Variants in ANAPC1 observed in about 807,000 individuals in gnomAD.
ANAPC1 encodes the protein anaphase-promoting complex subunit 1.
In ANAPC1, 36 loss-of-function variants were observed where a neutral mutation model predicts 208.0. The observed-to-expected ratio is 0.17, with a 90% CI of 0.13 to 0.23. The LOEUF is 0.23. ANAPC1 is among the 10% of genes least tolerant of loss of function. The probability of loss-of-function intolerance (pLI) is 1.00; values close to 1 mark genes in which losing one functional copy is unlikely to be tolerated. For synonymous variants in ANAPC1, 378 were observed against 695.2 expected, an observed-to-expected ratio of 0.54 and a Z score of 7.18; for missense variants, 942 against 2,011.6, an observed-to-expected ratio of 0.47 and a Z score of 10.17.
intron 14 of ANAPC1, among the ~76,000 whole-genome samples, chr2:111,848,973 G>T (rs188016109): frequency 5.9e-5 from 9 of 152,218 alleles, no homozygotes; most frequent in Admixed American, 5.9e-4. Context: ...AAATTTAAAC[G>T]ATCTTAGTTA....
At chr2:111,802,527 TAA>T in intron 32 of ANAPC1, 21 bp from the exon 33 acceptor site, 1 of 624,352 alleles carries the variant, frequency 1.6e-6, no homozygotes, top group Non-Finnish European at 3.0e-6. Flanking sequence ...AGGAAAACAG[TAA>T]GGCACACTGT....
At chr2:111,840,691 A>G (rs1680714324) in intron 17 of ANAPC1, among the ~76,000 whole-genome samples, 1 of 152,168 alleles carries the variant, frequency 6.6e-6, no homozygotes, top group South Asian at 2.1e-4. Flanking sequence ...TAATCTTTTC[A>G]CATGTAATAA....
At chr2:111,852,971 G>A (rs549791739) in intron 13 of ANAPC1, among the ~76,000 whole-genome samples, 198 of 150,676 alleles carry the variant, frequency 1.3e-3, no homozygotes, top group Non-Finnish European at 2.2e-3. Context: ...CTGAGTAACA[G>A]AGAGAGATAC....
chr2:111,821,700 G>A (rs1416146857), intron 25 of ANAPC1: 5 of 435,224 alleles, frequency 1.1e-5, no homozygotes, highest in African/African-American at 4.0e-5. Flanking sequence ...TTGGGAGGCC[G>A]AGGTGGGCGG....
At chr2:111,853,586 G>A (rs571762401) in intron 13 of ANAPC1, among the ~76,000 whole-genome samples, 4 of 151,814 alleles carry the variant, frequency 2.6e-5, no homozygotes, top group Non-Finnish European at 5.9e-5. Flanking sequence ...CTGAAGTTTT[G>A]AGCCCCTCAA....
At chr2:111,775,780 G>A (rs1385181398) in intron 46 of ANAPC1, among the ~76,000 whole-genome samples, 1 of 152,114 alleles carries the variant, frequency 6.6e-6, no homozygotes, top group African/African-American at 2.4e-5. Flanking sequence ...TGCCATAGGT[G>A]ATCAAATGTT....
chr2:111,816,351 C>A (rs1170557387), intron 27 of ANAPC1, among the ~76,000 whole-genome samples: 9 of 149,506 alleles, frequency 6.0e-5, no homozygotes, highest in Admixed American at 6.0e-4. Flanking sequence ...CTCTTTTTTT[C>A]TCTCTCTCTC....
At chr2:111,792,882 T>G (rs1387472809) in intron 37 of ANAPC1, among the ~76,000 whole-genome samples, 6 of 151,680 alleles carry the variant, frequency 4.0e-5, no homozygotes, top group Admixed American at 1.3e-4. Flanking sequence ...GAACCCGGGG[T>G]GCGGAGCTCG....
chr2:111,847,361 G>GT (rs1230350819), intron 15 of ANAPC1, among the ~76,000 whole-genome samples, 163 bp from the exon 16 acceptor site: 7 of 152,132 alleles, frequency 4.6e-5, no homozygotes, highest in African/African-American at 1.7e-4. Flanking sequence ...AACTTTAAAT[G>GT]TAATTATTTG....
In ANAPC1 at chr2:111,801,357, A is replaced by AT. The variant is rs531863670; in HGVS notation, c.4222-487dup. Among the ~76,000 whole-genome samples, 18 of 135,524 alleles carry AT rather than the reference A, an allele frequency of 1.3e-4. 2 individuals are homozygous for AT. The South Asian group carries it at 4.2e-3, about 32-fold the overall frequency. 88.9% of individuals were successfully genotyped at this position (135,524 alleles called of 152,430 possible). On this transcript the variant is annotated intron_variant, in intron 33 of 47. Transcript: ENST00000341068. ...GGGCCACAGAGTGAGACTCCATCTC[A>AT]TAAAAAAAAAAAAAAGAAAAAGAAA...
At chr2:111,787,154 A>T (rs1166888897) in intron 39 of ANAPC1, among the ~76,000 whole-genome samples, 3 of 151,344 alleles carry the variant, frequency 2.0e-5, no homozygotes, top group African/African-American at 4.9e-5. Flanking sequence ...ATCTCGAAAA[A>T]AAAAAAAAAA....
intron 18 of ANAPC1, among the ~76,000 whole-genome samples, chr2:111,836,449 T>C (rs1680471878): frequency 6.6e-6 from 1 of 151,254 alleles, no homozygotes; most frequent in African/African-American, 2.4e-5. Context: ...GAGACCAGCC[T>C]GGGCAACATA....
At chr2:111,798,926 C>T (rs1678297834) in intron 34 of ANAPC1, among the ~76,000 whole-genome samples, 3 of 151,480 alleles carry the variant, frequency 2.0e-5, no homozygotes, top group East Asian at 2.0e-4. Context: ...CCCAGCTACT[C>T]GGGAGGCTGA....
chr2:111,781,091 C>T (rs1195693836), intron 43 of ANAPC1, among the ~76,000 whole-genome samples: 1 of 148,760 alleles, frequency 6.7e-6, no homozygotes, highest in Non-Finnish European at 1.5e-5. Flanking sequence ...TTTACCACAA[C>T]TTTTTAAACT....
intron 7 of ANAPC1, 89 bp downstream of exon 7, chr2:111,867,934 G>A: frequency 1.4e-6 from 1 of 738,842 alleles, no homozygotes; most frequent in Non-Finnish European, 2.2e-6. Context: ...ATTTTTATAA[G>A]TCAGTTTTCA....
intron 45 of ANAPC1, among the ~76,000 whole-genome samples, chr2:111,778,133 C>T (rs1268245826): frequency 1.3e-5 from 2 of 151,900 alleles, no homozygotes; most frequent in Non-Finnish European, 2.9e-5. Context: ...TTGGTCTGAT[C>T]CTTTAAGAAC....
rs181410275 is a variant in ANAPC1, at chr2:111,838,656, T to C, written c.2041-144A>G. The C allele has an allele frequency of 1.2e-4, 75 of 600,218 alleles. No homozygotes were observed. In the African/African-American group the frequency reaches 1.3e-3, roughly 10 times the overall value. 37.2% of individuals were successfully genotyped at this position (600,218 alleles called of 1,614,324 possible). ...ACTCATTTTTTGATCTGGAAAGGCATTATTTAAATATCTTTCTTCCAGGTT... is the reference window on the plus strand; with the variant it reads ...ACTCATTTTTTGATCTGGAAAGGCACTATTTAAATATCTTTCTTCCAGGTT... On this transcript the variant is annotated intron_variant, in intron 17 of 47. Transcript: ENST00000341068.
intron 11 of ANAPC1, among the ~76,000 whole-genome samples, chr2:111,857,235 T>C (rs1351655371): frequency 6.6e-6 from 1 of 152,292 alleles, no homozygotes; most frequent in Non-Finnish European, 1.5e-5. Flanking sequence ...ATAAAGTGTG[T>C]ACATCATCTA....
chr2:111,859,251 G>A (rs2104548653), intron 10 of ANAPC1, among the ~76,000 whole-genome samples: 1 of 152,262 alleles, frequency 6.6e-6, no homozygotes, highest in Non-Finnish European at 1.5e-5. Flanking sequence ...GGGAGGCCGA[G>A]GTGGGCAGAT....
Sources: allele counts gnomAD v4.1 joint callset (sites outside exome capture counted in the v4.1 genomes callset), GRCh38; gene constraint gnomAD v4.1.1; transcripts MANE v1.5; gene names NCBI Gene and HGNC (gene_info 2026-07-23, HGNC 2026-07-21).